MIS18BP1: variants seen among roughly 807,000 people sequenced by gnomAD.
MIS18BP1 encodes the protein MIS18 binding protein 1.
A neutral mutation model predicts 116.1 loss-of-function variants in MIS18BP1; 72 were observed. The ratio of observed to expected loss-of-function variants is 0.62; its 90% CI spans 0.51 to 0.75. The LOEUF (loss-of-function observed/expected upper bound fraction) is 0.75, where lower values mean the gene tolerates loss of function less well. Ranked by LOEUF, MIS18BP1 falls within the 30% of genes least tolerant of loss-of-function variation. The probability of loss-of-function intolerance (pLI) is 0.00; values close to 1 mark genes in which losing one functional copy is unlikely to be tolerated. For missense variants in MIS18BP1, 1,363 were observed against 1,303.2 expected, an observed-to-expected ratio of 1.05 and a Z score of -0.71; for synonymous variants, 386 against 427.0, an observed-to-expected ratio of 0.90 and a Z score of 1.18.
chr14:45,220,921 G>A (rs1398201645), intron 11 of MIS18BP1, among the ~76,000 whole-genome samples: 1 of 152,006 alleles, frequency 6.6e-6, no homozygotes, highest in African/African-American at 2.4e-5. Flanking sequence ...AATCACTTGA[G>A]GTCAGGAGTT....
rs749593774 is a variant in MIS18BP1, at chr14:45,242,773, T to G, written c.646A>C (p.Asn216His). The change falls in exon 3 of 17, where the codon AAT becomes CAT. Residue 216 changes from asparagine (N) to histidine (H), a missense_variant. Transcript: ENST00000310806. ...AAAAATAGTTTACCGTAAGTTAAAT[T>G]GTGCAGTGGTGCTTTCTTTTCCTGC... ...CQQEKKAPLHNLTYELPTLNQ... is the reference protein window; with the variant it reads ...CQQEKKAPLHHLTYELPTLNQ... 1.4e-5 allele frequency: 22 copies of G among 1,604,356 alleles called. No individual in the cohort carries two copies. Among genetic ancestry groups the G allele is most frequent in the Non-Finnish European group, 1.9e-5 (22 of 1,176,726 alleles).
At position 45,227,793 on chromosome 14, in the gene MIS18BP1, CTG is replaced by C; in HGVS notation, c.1614_1615del (p.His538GlnfsTer2). ...TAATTCTGTAGCTCCTGGTGACTCA[CTG>C]TGCTTATTACTCTTCAGTTCTATGA... On this transcript the variant is annotated frameshift_variant, in exon 9 of 17. Transcript: ENST00000310806. LOFTEE classifies it high-confidence loss of function. The C allele has an allele frequency of 6.2e-7, 1 of 1,613,962 alleles. No individual in the cohort carries two copies. The highest frequency in any genetic ancestry group is 8.5e-7 in the Non-Finnish European group (1 of 1,179,892).
rs1282816573 is a variant in MIS18BP1, at chr14:45,226,730, A to G, written c.1840+13T>C. 8.9e-6 allele frequency: 12 copies of G among 1,353,970 alleles called. No individual in the cohort carries two copies. The highest frequency in any genetic ancestry group is 1.2e-5 in the Non-Finnish European group (12 of 1,029,708). 83.9% of individuals were successfully genotyped at this position (1,353,970 alleles called of 1,614,324 possible). ...TTCTGCTTATGATTAAAAAACCATT[A>G]AAGATATATTACCTTGCTTCTGACT... On this transcript the variant is annotated intron_variant, in intron 10 of 16. Coordinates refer to ENST00000310806, the MANE Select transcript of MIS18BP1 (RefSeq NM_018353.5).
At chr14:45,238,818 T>C (rs1029023630) in intron 4 of MIS18BP1, among the ~76,000 whole-genome samples, 11 of 152,002 alleles carry the variant, frequency 7.2e-5, no homozygotes, top group African/African-American at 2.7e-4. Flanking sequence ...AGTAAATACA[T>C]AAAAATAAAA....
At chr14:45,210,602 A>G in intron 13 of MIS18BP1, 74 bp from the exon 14 acceptor site, 1 of 1,554,732 alleles carries the variant, frequency 6.4e-7, no homozygotes, top group Non-Finnish European at 8.8e-7. Flanking sequence ...ATAGTTTTGG[A>G]GGACTGATAA....
intron 6 of MIS18BP1, among the ~76,000 whole-genome samples, chr14:45,234,077 G>A (rs1420355565): frequency 6.6e-6 from 1 of 152,052 alleles, no homozygotes; most frequent in Non-Finnish European, 1.5e-5. Flanking sequence ...ATTGGAATAT[G>A]GTATTAGAGA....
chr14:45,206,025 G>A, intron 15 of MIS18BP1, 58 bp downstream of exon 15: 1 of 1,124,260 alleles, frequency 8.9e-7, no homozygotes, highest in South Asian at 1.3e-5. Context: ...AACTACCACA[G>A]TTTATCACAT....
chr14:45,238,611 T>C (rs1891489659), intron 4 of MIS18BP1, among the ~76,000 whole-genome samples: 2 of 152,002 alleles, frequency 1.3e-5, no homozygotes, highest in South Asian at 2.1e-4. Flanking sequence ...GGGAGAACTG[T>C]TTGAGCCTAG....
intron 11 of MIS18BP1, among the ~76,000 whole-genome samples, chr14:45,220,579 T>G (rs1322328151): frequency 6.6e-6 from 1 of 152,156 alleles, no homozygotes. Flanking sequence ...GTCATATAAA[T>G]GGAATCATAT....
In MIS18BP1 at chr14:45,223,957, TC is replaced by T. The variant is rs1566809722; in HGVS notation, c.2629del (p.Asp877IlefsTer30). The T allele has an allele frequency of 6.3e-7, 1 of 1,598,378 alleles. No homozygotes were observed. Among genetic ancestry groups the T allele is most frequent in the Non-Finnish European group, 8.5e-7 (1 of 1,176,164 alleles). ...TAACTCCTTCTCATTCCATTCCTTA[TC>T]CTGAATTAAACCAGGTAAGCATTCT... is the stretch of plus-strand genomic sequence containing the variant. The part of the protein sequence containing the change: ...PLECLPGLIQ[D>X]KEWNEKELQK... On this transcript the variant is annotated frameshift_variant, in exon 11 of 17. Coordinates refer to ENST00000310806, the MANE Select transcript of MIS18BP1 (RefSeq NM_018353.5). LOFTEE classifies it high-confidence loss of function.
intron 1 of MIS18BP1, among the ~76,000 whole-genome samples, chr14:45,252,623 T>A (rs1440801713): frequency 6.6e-6 from 1 of 152,142 alleles, no homozygotes; most frequent in Non-Finnish European, 1.5e-5. Flanking sequence ...TTTATTAACA[T>A]CTAAAGATGT....
intron 1 of MIS18BP1, among the ~76,000 whole-genome samples, chr14:45,249,240 T>C (rs1312636119): frequency 6.6e-6 from 1 of 152,102 alleles, no homozygotes; most frequent in Non-Finnish European, 1.5e-5. Context: ...CACAGGCACA[T>C]GCCACCCCAC....
At chr14:45,251,019 ACAT>A (rs1891858083) in intron 1 of MIS18BP1, among the ~76,000 whole-genome samples, 1 of 147,314 alleles carries the variant, frequency 6.8e-6, no homozygotes, top group Admixed American at 6.8e-5. Flanking sequence ...CATGGGCGAG[ACAT>A]CAAGACTCTG....
intron 6 of MIS18BP1, among the ~76,000 whole-genome samples, chr14:45,233,527 G>C (rs2139211001): frequency 6.6e-6 from 1 of 152,268 alleles, no homozygotes; most frequent in African/African-American, 2.4e-5. Context: ...CTGTGGAAGA[G>C]CAAGGGAAGA....
rs1179941375 is a variant in MIS18BP1 at position 45,224,336 on chromosome 14, A to G, written c.2251T>C (p.Leu751=). 6 of 1,613,670 alleles carry G rather than the reference A, an allele frequency of 3.7e-6. No homozygotes were observed. In the East Asian group the frequency reaches 1.1e-4, roughly 30 times the overall value. Residue 751 remains leucine, a synonymous_variant, in exon 11 of 17, where the codon TTG becomes CTG. Coordinates refer to ENST00000310806, the MANE Select transcript of MIS18BP1 (RefSeq NM_018353.5). ...GCTACCTGATTTTCTATTTTCTTCA[A>G]TTTTGGTAATAGTCTGGTATTTTTC... ...FKKNTRLLPK[L]KKIENQVAMS...
rs770662369 is a variant in MIS18BP1 at position 45,204,177 on chromosome 14, T to A, written c.3331A>T (p.Thr1111Ser). 9.3e-6 allele frequency: 15 copies of A among 1,611,198 alleles called. No homozygotes were observed. The South Asian group carries it at 1.6e-4, about 17-fold the overall frequency. The change falls in exon 17 of 17, where the codon ACT (threonine) becomes TCT (serine). Residue 1111 changes from threonine to serine, a missense_variant. Transcript: ENST00000310806. ...TCATCTAAAGATTCCACAGCATTAGTGAAAAGTTTTCCAATACCAGAGTTT... is the reference window on the plus strand; with the variant it reads ...TCATCTAAAGATTCCACAGCATTAGAGAAAAGTTTTCCAATACCAGAGTTT... The part of the protein sequence containing the change: ...GENSGIGKLF[T>S]NAVESLDEEE...
chr14:45,223,822 G>C (rs1278909302), intron 11 of MIS18BP1, 96 bp downstream of exon 11: 2 of 854,364 alleles, frequency 2.3e-6, no homozygotes, highest in Non-Finnish European at 3.5e-6. Flanking sequence ...TTTTTTTAAT[G>C]ACATCTTCCA....
rs755560774 is a variant in MIS18BP1, at chr14:45,224,129, C to T, written c.2458G>A (p.Glu820Lys). ...TSNIPVILEP[E>K]TEESENEFYI... is the part of the protein sequence containing the mutation. ...AATTCATTTTCACTTTCTTCAGTTT[C>T]AGGTTCCAAAATCACTGGAATATTA... Residue 820 changes from glutamate to lysine, a missense_variant, in exon 11 of 17, where the codon GAA (glutamate) becomes AAA (lysine). Glu to Lys is a moderately conservative substitution (Grantham distance 56). Transcript: ENST00000310806. 1.2e-6 allele frequency: 2 copies of T among 1,613,178 alleles called. No individual in the cohort carries two copies. The highest frequency in any genetic ancestry group is 1.7e-6 in the Non-Finnish European group (2 of 1,179,858).
chr14:45,250,577 A>G (rs1413936448), intron 1 of MIS18BP1, among the ~76,000 whole-genome samples: 1 of 152,248 alleles, frequency 6.6e-6, no homozygotes, highest in Non-Finnish European at 1.5e-5. Context: ...CAGACTGGAG[A>G]AAGTATGTTT....
Sources: gnomAD v4.1 joint callset for allele counts (sites outside exome capture counted in the v4.1 genomes callset) on GRCh38, gnomAD v4.1.1 for gene constraint, MANE v1.5 for transcripts, NCBI Gene and HGNC (gene_info 2026-07-23, HGNC 2026-07-21) for gene names.